Variants in SLC22A9 observed in about 807,000 individuals in gnomAD.
SLC22A9 encodes the protein solute carrier family 22 member 9.
In SLC22A9, 64 loss-of-function variants were observed where a neutral mutation model predicts 50.1. The ratio of observed to expected loss-of-function variants is 1.28; its 90% CI spans 1.04 to 1.57. The LOEUF (loss-of-function observed/expected upper bound fraction) is 1.57, where lower values mean the gene tolerates loss of function less well. Among genes scored for constraint, SLC22A9 ranks in the 40% most tolerant of loss-of-function variants. The pLI is 0.00. For synonymous variants in SLC22A9, 261 were observed against 242.5 expected, an observed-to-expected ratio of 1.08 and a Z score of -0.71; for missense variants, 757 against 676.1, an observed-to-expected ratio of 1.12 and a Z score of -1.33.
intron 9 of SLC22A9, among the ~76,000 whole-genome samples, chr11:63,409,412 A>T (rs958913109): frequency 6.7e-6 from 1 of 149,376 alleles, no homozygotes; most frequent in Non-Finnish European, 1.5e-5. Context: ...CATAAAATAC[A>T]CTAACACTAA....
At chr11:63,394,992 G>C (rs748374334) in intron 6 of SLC22A9, among the ~76,000 whole-genome samples, 1 of 151,220 alleles carries the variant, frequency 6.6e-6, no homozygotes, top group Non-Finnish European at 1.5e-5. Context: ...TCTTGTCTTC[G>C]AGCTCTGAAT....
chr11:63,391,123 G>C (rs1457270703), intron 6 of SLC22A9, among the ~76,000 whole-genome samples: 2 of 151,952 alleles, frequency 1.3e-5, no homozygotes, highest in Non-Finnish European at 2.9e-5. Flanking sequence ...GTGTTGATAT[G>C]ATTTTCAAAA....
intron 6 of SLC22A9, among the ~76,000 whole-genome samples, chr11:63,392,188 A>C (rs1273375728): frequency 6.6e-6 from 1 of 151,908 alleles, no homozygotes; most frequent in Non-Finnish European, 1.5e-5. Flanking sequence ...TCTGAAATTT[A>C]TTCATTATTT....
chr11:63,374,302 A>C (rs1297353586), intron 4 of SLC22A9, among the ~76,000 whole-genome samples: 2 of 152,172 alleles, frequency 1.3e-5, no homozygotes, highest in East Asian at 3.8e-4. Flanking sequence ...TTATATCTCA[A>C]ATATTGTAAG....
rs2014776704 is a variant in SLC22A9, at chr11:63,392,230, A to T, written c.1073+9953A>T. 2.6e-5 allele frequency among the ~76,000 whole-genome samples: 4 copies of T among 152,042 alleles called. No homozygotes were observed. The South Asian group carries it at 8.3e-4, about 31-fold the overall frequency. On this transcript the variant is annotated intron_variant, in intron 6 of 9. Transcript: ENST00000279178. Reference sequence around the variant, plus strand: ...GTTTCATCTTTTAATCTTCCTACTCAAAATACAAGTAGTCTAGCCACCACA... The same window carrying T: ...GTTTCATCTTTTAATCTTCCTACTCTAAATACAAGTAGTCTAGCCACCACA...
intron 6 of SLC22A9, among the ~76,000 whole-genome samples, chr11:63,404,755 C>G (rs949344461): frequency 3.3e-5 from 5 of 152,132 alleles, no homozygotes; most frequent in African/African-American, 1.2e-4. Flanking sequence ...CTGGCAGATG[C>G]CCTTGGGGCT....
At chr11:63,382,965 C>G (rs570850960) in intron 6 of SLC22A9, among the ~76,000 whole-genome samples, 1 of 152,284 alleles carries the variant, frequency 6.6e-6, no homozygotes, top group African/African-American at 2.4e-5. Context: ...GGCCTATGAC[C>G]GCTCCCTCAT....
chr11:63,408,075 C>T (rs752575126), intron 7 of SLC22A9, 37 bp from the exon 8 acceptor site: 3 of 1,555,240 alleles, frequency 1.9e-6, no homozygotes, highest in East Asian at 2.3e-5. Context: ...TCCTTCAGCT[C>T]AGATTTCCTG....
At chr11:63,408,524 C>G in intron 8 of SLC22A9, 152 bp from the exon 9 acceptor site, 1 of 731,818 alleles carries the variant, frequency 1.4e-6, no homozygotes, top group South Asian at 1.9e-5. Flanking sequence ...AAATTAATTG[C>G]TAGCAAATAA....
chr11:63,389,003 G>A (rs1006192647), intron 6 of SLC22A9, among the ~76,000 whole-genome samples: 3 of 151,996 alleles, frequency 2.0e-5, no homozygotes, highest in Admixed American at 2.0e-4. Flanking sequence ...TTGAATTTCT[G>A]TGGTATCAGT....
At chr11:63,391,490 A>G (rs915937144) in intron 6 of SLC22A9, among the ~76,000 whole-genome samples, 1 of 151,990 alleles carries the variant, frequency 6.6e-6, no homozygotes, top group South Asian at 2.1e-4. Context: ...TATTTGCTTT[A>G]TATACCTGGG....
intron 8 of SLC22A9, 21 bp downstream of exon 8, chr11:63,408,241 C>T: frequency 6.3e-7 from 1 of 1,581,784 alleles, no homozygotes; most frequent in Non-Finnish European, 8.7e-7. Flanking sequence ...TTAAGTATGC[C>T]CTGTCAGGTT....
chr11:63,375,894 C>G, intron 5 of SLC22A9, 126 bp downstream of exon 5: 1 of 1,197,910 alleles, frequency 8.3e-7, no homozygotes, highest in Non-Finnish European at 1.1e-6. Context: ...GGCTGTATCA[C>G]CTCACTATCA....
chr11:63,398,356 G>A (rs554026524), intron 6 of SLC22A9, among the ~76,000 whole-genome samples: 5 of 152,096 alleles, frequency 3.3e-5, no homozygotes, highest in Non-Finnish European at 5.9e-5. Flanking sequence ...CAGGTCCCCC[G>A]AGTTCACTGA....
intron 6 of SLC22A9, among the ~76,000 whole-genome samples, chr11:63,398,255 C>A (rs1485996509): frequency 2.0e-5 from 3 of 152,134 alleles, no homozygotes; most frequent in Non-Finnish European, 4.4e-5. Context: ...TGTTGCAAGA[C>A]AAAGTCCTCT....
intron 6 of SLC22A9, among the ~76,000 whole-genome samples, chr11:63,395,138 T>C (rs1468076308): frequency 6.6e-6 from 1 of 152,014 alleles, no homozygotes; most frequent in Non-Finnish European, 1.5e-5. Flanking sequence ...ATTTCTCCCT[T>C]CACTTCTTGT....
At chr11:63,391,182 C>T (rs1426836768) in intron 6 of SLC22A9, among the ~76,000 whole-genome samples, 1 of 151,954 alleles carries the variant, frequency 6.6e-6, no homozygotes, top group East Asian at 1.9e-4. Flanking sequence ...CCAGATAAGA[C>T]ACTTAATATA....
chr11:63,399,377 G>A (rs2119990832), intron 6 of SLC22A9, among the ~76,000 whole-genome samples: 1 of 152,068 alleles, frequency 6.6e-6, no homozygotes, highest in African/African-American at 2.4e-5. Context: ...TGCAAACAGA[G>A]GGCAAAAAAG....
rs368420909 is a variant in SLC22A9, at chr11:63,406,569, G to T, written c.1146G>T (p.Leu382Phe). 1 of 1,613,652 alleles carries T rather than the reference G, an allele frequency of 6.2e-7. No homozygotes were observed. The highest frequency in any genetic ancestry group is 2.2e-5 in the East Asian group (1 of 44,886). The change falls in exon 7 of 10, where the codon TTG becomes TTT. Residue 382 changes from leucine to phenylalanine, a missense_variant. Coordinates refer to ENST00000279178, the MANE Select transcript of SLC22A9 (RefSeq NM_080866.3). ...VQHLGNNVFL[L>F]QTLFGAVILL... ...ATCTGGGGAACAATGTTTTCCTGTT[G>T]CAGACTCTCTTTGGTGCAGTCATCC...
Sources: gnomAD v4.1 joint callset for allele counts (sites outside exome capture counted in the v4.1 genomes callset) on GRCh38, gnomAD v4.1.1 for gene constraint, MANE v1.5 for transcripts, NCBI Gene and HGNC (gene_info 2026-07-23, HGNC 2026-07-21) for gene names.